VDAC1: variants seen among roughly 807,000 people sequenced by gnomAD.
VDAC1 encodes voltage dependent anion channel 1.
In VDAC1, 10 loss-of-function variants were observed where a neutral mutation model predicts 34.7. The observed-to-expected ratio is 0.29, with a 90% CI of 0.18 to 0.49. The LOEUF (loss-of-function observed/expected upper bound fraction) is 0.49, where lower values mean the gene tolerates loss of function less well. Ranked by LOEUF, VDAC1 falls within the 20% of genes least tolerant of loss-of-function variation. VDAC1 has a pLI of 0.99. For missense variants in VDAC1, 230 were observed against 347.9 expected, an observed-to-expected ratio of 0.66 and a Z score of 2.69; for synonymous variants, 130 against 136.0, an observed-to-expected ratio of 0.96 and a Z score of 0.30.
the VDAC1 span, among the ~76,000 whole-genome samples, chr5:134,014,284 C>T: frequency 6.6e-6 from 1 of 151,822 alleles, no homozygotes; most frequent in African/African-American, 2.4e-5. Context: ...AGTGAGACTC[C>T]GTCTCAAAAA....
rs553062773 is a variant in VDAC1, at chr5:133,972,579, C to G, written c.*192G>C. 1.8e-5 allele frequency: 9 copies of G among 505,998 alleles called. No homozygotes were observed. The highest frequency in any genetic ancestry group is 2.4e-5 in the Non-Finnish European group (7 of 288,264). 31.3% of individuals were successfully genotyped at this position (505,998 alleles called of 1,614,324 possible). A position where few individuals can be genotyped will look rare whatever the true frequency, so the allele number is the denominator to read the frequency against. ...CTCCCCGAGTCTACCACTGAAAGGA[C>G]CTTTTTTGGAAATAGGTTTCTTCTG... On this transcript the variant is annotated 3_prime_UTR_variant, in exon 9 of 9. Coordinates refer to ENST00000265333, the MANE Select transcript of VDAC1 (RefSeq NM_003374.3).
chr5:134,046,959 T>C, the VDAC1 span, among the ~76,000 whole-genome samples: 1 of 152,160 alleles, frequency 6.6e-6, no homozygotes, highest in African/African-American at 2.4e-5. Context: ...GCTGCACTGT[T>C]AGAGCTTTGG....
chr5:133,986,264 G>A (rs984890969), intron 5 of VDAC1, among the ~76,000 whole-genome samples: 3 of 152,148 alleles, frequency 2.0e-5, no homozygotes, highest in African/African-American at 7.2e-5. Context: ...CTCCTCCTGG[G>A]AGCCAGGTGT....
chr5:133,975,895 C>T lies in VDAC1; in HGVS notation c.678G>A (p.Gln226=). The T allele has an allele frequency of 6.2e-7, 1 of 1,612,094 alleles. No homozygotes were observed. Among genetic ancestry groups the T allele is most frequent in the East Asian group, 2.2e-5 (1 of 44,862 alleles). The change falls in exon 7 of 9, where the codon CAG becomes CAA. Residue 226 remains glutamine (Q), a synonymous_variant. Transcript: ENST00000265333. ...CCGAGAAGCAGGCGTCAGGGTCAAT[C>T]TGATACTTGGCTGCTATTCCGAAGC... ...NTRFGIAAKY[Q]IDPDACFSAK... is the part of the protein sequence containing the mutation.
At chr5:134,088,936 T>C in the VDAC1 span, among the ~76,000 whole-genome samples, 7 of 152,264 alleles carry the variant, frequency 4.6e-5, no homozygotes, top group Non-Finnish European at 8.8e-5. Flanking sequence ...CCACATATTA[T>C]GCTGAAGGTT....
At chr5:134,021,970 C>T in the VDAC1 span, among the ~76,000 whole-genome samples, 2 of 152,098 alleles carry the variant, frequency 1.3e-5, no homozygotes, top group East Asian at 1.9e-4. Context: ...CTCTGCCTCC[C>T]GGCTTCTCCA....
the VDAC1 span, among the ~76,000 whole-genome samples, chr5:134,023,841 T>C: frequency 5.3e-5 from 8 of 151,896 alleles, no homozygotes; most frequent in African/African-American, 1.7e-4. Flanking sequence ...AAGCAGAAAT[T>C]AATGAAGTGG....
chr5:134,083,273 C>T, the VDAC1 span, among the ~76,000 whole-genome samples: 1 of 149,468 alleles, frequency 6.7e-6, no homozygotes, highest in Non-Finnish European at 1.5e-5. Context: ...ACTGCAACTT[C>T]CGCCTCCTGG....
chr5:134,094,687 C>G, the VDAC1 span, among the ~76,000 whole-genome samples: 2 of 117,096 alleles, frequency 1.7e-5, no homozygotes, highest in Non-Finnish European at 3.4e-5. Context: ...AAGAGTGAGA[C>G]TCCGTCTCAA....
chr5:134,012,754 T>C, the VDAC1 span, among the ~76,000 whole-genome samples: 1 of 151,978 alleles, frequency 6.6e-6, no homozygotes, highest in African/African-American at 2.4e-5. Flanking sequence ...ATAAAATTTA[T>C]ATTAAACAAA....
intron 2 of VDAC1, 77 bp from the exon 3 acceptor site, chr5:133,992,432 C>T (rs1753139544): frequency 1.1e-5 from 13 of 1,196,408 alleles, no homozygotes; most frequent in Non-Finnish European, 1.4e-5. Flanking sequence ...ATGGTTGCTT[C>T]AGGATGCTTT....
the VDAC1 span, among the ~76,000 whole-genome samples, chr5:134,022,159 G>A: frequency 3.9e-5 from 6 of 152,170 alleles, no homozygotes; most frequent in East Asian, 1.9e-4. Context: ...GATTACAGGC[G>A]TGAGCCACTG....
intron 1 of VDAC1, among the ~76,000 whole-genome samples, chr5:134,003,067 G>T (rs768659111): frequency 2.0e-5 from 3 of 150,626 alleles, no homozygotes; most frequent in Non-Finnish European, 4.4e-5. Context: ...CACCTACTAT[G>T]GGCCATGTAC....
At chr5:134,017,899 C>T in the VDAC1 span, among the ~76,000 whole-genome samples, 1,720 of 152,218 alleles carry the variant, frequency 0.011, 30 homozygotes, top group African/African-American at 0.039. Context: ...GGCAACAGAG[C>T]GAGACTCCGT....
At chr5:134,043,386 C>T in the VDAC1 span, among the ~76,000 whole-genome samples, 5 of 152,246 alleles carry the variant, frequency 3.3e-5, no homozygotes, top group African/African-American at 4.8e-5. Flanking sequence ...ACAAGGGCAG[C>T]GCTGGGCCAC....
the VDAC1 span, among the ~76,000 whole-genome samples, chr5:134,030,839 C>A: frequency 1.3e-5 from 2 of 152,100 alleles, no homozygotes; most frequent in Non-Finnish European, 2.9e-5. Context: ...TCTTGAACTC[C>A]TGACCTCAAG....
chr5:134,073,741 T>G, the VDAC1 span, among the ~76,000 whole-genome samples: 1 of 152,236 alleles, frequency 6.6e-6, no homozygotes, highest in Non-Finnish European at 1.5e-5. Flanking sequence ...TACATTGATG[T>G]GCAAAGATCT....
chr5:134,041,160 T>G, the VDAC1 span, among the ~76,000 whole-genome samples: 1 of 152,232 alleles, frequency 6.6e-6, no homozygotes, highest in African/African-American at 2.4e-5. Flanking sequence ...TCTTGATGCT[T>G]CAAAGACTTG....
chr5:134,096,971 C>G, the VDAC1 span, among the ~76,000 whole-genome samples: 75 of 152,366 alleles, frequency 4.9e-4, no homozygotes, highest in African/African-American at 1.7e-3. Context: ...CTGGGGAAGC[C>G]GTGGATTTCC....
Sources: allele counts gnomAD v4.1 joint callset (sites outside exome capture counted in the v4.1 genomes callset), GRCh38; gene constraint gnomAD v4.1.1; transcripts MANE v1.5; gene names NCBI Gene and HGNC (gene_info 2026-07-23, HGNC 2026-07-21).